Variants in HRK observed in about 807,000 individuals in gnomAD.
HRK encodes the protein activator of apoptosis harakiri.
A neutral mutation model predicts 5.9 loss-of-function variants in HRK; 6 were observed. The observed-to-expected ratio is 1.02, with a 90% confidence interval of 0.56 to 2.01. HRK has a LOEUF of 2.01. Among genes scored for constraint, HRK ranks in the 30% most tolerant of loss-of-function variants. The pLI is 0.00. For synonymous variants in HRK, 85 were observed against 65.1 expected (o/e 1.31, Z -1.47); for missense variants, 133 against 128.3 (o/e 1.04, Z -0.18).
At chr12:116,869,882 A>G (rs1230627155) in intron 1 of HRK, among the ~76,000 whole-genome samples, 1 of 152,136 alleles carries the variant, frequency 6.6e-6, no homozygotes, top group Admixed American at 6.6e-5. Flanking sequence ...GAGTTAGAGC[A>G]CCAAACTGGC....
rs945724014 is a variant in HRK at position 116,859,641 on chromosome 12, T to TTA, written c.*1881_*1882insTA. 9 of 151,168 alleles carry TTA rather than the reference T, an allele frequency of 6.0e-5. No homozygotes were observed. Among genetic ancestry groups the TTA allele is most frequent in the Non-Finnish European group, 1.3e-4 (9 of 67,704 alleles). The allele number at this position is 151,168 out of a possible 1,614,324, so 9.4% of individuals were successfully genotyped here. A position where few individuals can be genotyped will look rare whatever the true frequency, so the allele number is the denominator to read the frequency against. On this transcript the variant is annotated 3_prime_UTR_variant, in exon 2 of 2. Transcript: ENST00000257572. ...TCCCAAAATAAGCATTATTCTTCTT[T>TTA]TTTTTTTTTTGGTTTGCTGAGTTCA...
rs1018684759 is a variant in HRK, at chr12:116,879,195, A to G, written c.*56+1781T>C. 1 of 152,262 alleles carries G rather than the reference A, an allele frequency of 6.6e-6. No homozygotes were observed. Among genetic ancestry groups the G allele is most frequent in the African/African-American group, 2.4e-5 (1 of 41,458 alleles). 9.4% of individuals were successfully genotyped at this position (152,262 alleles called of 1,614,324 possible). On this transcript the variant is annotated intron_variant, in intron 1 of 1. Transcript: ENST00000257572. The surrounding 1 kb of genome is among the most constrained non-coding windows in gnomAD (Gnocchi z 5.6). ...GAGAGCGTTTCCAATCTCCTGGACG[A>G]CAGAACCAGAGAAAGCCGTGTCCCA...
rs1290672901 is a variant in HRK, at chr12:116,859,032, G to C, written c.*2491C>G. 2 of 152,162 alleles carry C rather than the reference G, an allele frequency of 1.3e-5. No homozygotes were observed. The highest frequency in any genetic ancestry group is 2.9e-5 in the Non-Finnish European group (2 of 68,032). The allele number at this position is 152,162 out of a possible 1,614,324, so 9.4% of individuals were successfully genotyped here. A position where few individuals can be genotyped will look rare whatever the true frequency, so the allele number is the denominator to read the frequency against. On this transcript the variant is annotated 3_prime_UTR_variant, in exon 2 of 2. Coordinates refer to ENST00000257572, the MANE Select transcript of HRK (RefSeq NM_003806.4). ...CGAGAAGTGCACTCCAATGAATGATGTGCAAGGAAAGGTCAGGATTCGATA... is the reference window on the plus strand; with the variant it reads ...CGAGAAGTGCACTCCAATGAATGATCTGCAAGGAAAGGTCAGGATTCGATA...
rs148395718 is a variant in HRK at position 116,872,564 on chromosome 12, C to G, written c.*56+8412G>C. On this transcript the variant is annotated intron_variant, in intron 1 of 1. Coordinates refer to ENST00000257572, the MANE Select transcript of HRK (RefSeq NM_003806.4). ...AAACCAAGGCAGGAGGTCTTGAGCT[C>G]AGGAGTTCAAGACCAGCCTGGGCAA... Among the ~76,000 whole-genome samples the G allele has an allele frequency of 6.4e-3, 977 of 151,902 alleles. 12 individuals carry two copies. The highest frequency in any genetic ancestry group is 8.2e-3 in the Non-Finnish European group (555 of 67,960).
chr12:116,869,037 A>G (rs1878648423), intron 1 of HRK, among the ~76,000 whole-genome samples: 1 of 151,814 alleles, frequency 6.6e-6, no homozygotes, highest in African/African-American at 2.4e-5. Context: ...GCAGTGGCAC[A>G]ATCATAGCTC....
intron 1 of HRK, among the ~76,000 whole-genome samples, chr12:116,866,390 CAAAAA>C (rs965013066): frequency 9.1e-5 from 5 of 54,816 alleles, no homozygotes; most frequent in East Asian, 6.3e-4. Context: ...GACCCTGTCT[CAAAAA>C]AAAAAAAAAA....
chr12:116,880,938 G>T (rs1879120523), intron 1 of HRK, 38 bp downstream of exon 1: 2 of 1,007,304 alleles, frequency 2.0e-6, no homozygotes, highest in Non-Finnish European at 2.5e-6. Context: ...CCAGTGCCCA[G>T]CTGCCGCGCC....
chr12:116,881,368 C>T lies in HRK; in HGVS notation c.-61G>A, dbSNP rs1258004132. 14 of 1,046,242 alleles carry T rather than the reference C, an allele frequency of 1.3e-5. No individual in the cohort carries two copies. The highest frequency in any genetic ancestry group is 7.8e-5 in the East Asian group (1 of 12,808). 64.8% of individuals were successfully genotyped at this position (1,046,242 alleles called of 1,614,324 possible). ...GCCCCTCGCCTCCTCTCCCTCCGGC[C>T]TCTGCGCCCGCTGCCGCCGCGCTCC... On this transcript the variant is annotated 5_prime_UTR_variant, in exon 1 of 2. Transcript: ENST00000257572.
intron 1 of HRK, chr12:116,867,628 T>C (rs1228158511): frequency 1.3e-5 from 2 of 152,078 alleles, no homozygotes; most frequent in Non-Finnish European, 2.9e-5. Flanking sequence ...AAAAAGTGCC[T>C]AACAACCTTG....
Position 116,880,958 on chromosome 12 carries a change from G to A in HRK, c.*56+18C>T. The A allele has an allele frequency of 1.8e-6, 2 of 1,100,938 alleles. No individual in the cohort carries two copies. The highest frequency in any genetic ancestry group is 2.3e-6 in the Non-Finnish European group (2 of 865,842). The allele number at this position is 1,100,938 out of a possible 1,614,324, so 68.2% of individuals were successfully genotyped here. On this transcript the variant is annotated intron_variant, in intron 1 of 1. Coordinates refer to ENST00000257572, the MANE Select transcript of HRK (RefSeq NM_003806.4). The stretch of plus-strand genomic sequence containing the variant: ...GCCCAGCTGCCGCGCCCCGGCTCTC[G>A]CTCGCTCGCTCGCGTACCTGTTGCT...
At position 116,861,144 on chromosome 12, in the gene HRK, T is replaced by A. The variant is rs762097844; in HGVS notation, c.*379A>T. On this transcript the variant is annotated 3_prime_UTR_variant, in exon 2 of 2. Transcript: ENST00000257572. Reference sequence around the variant, plus strand: ...ATCTCTCTTCTGGCGCCCCAGACATTACAGAATATCAAAGTTCACATCGCA... The same window carrying A: ...ATCTCTCTTCTGGCGCCCCAGACATAACAGAATATCAAAGTTCACATCGCA... The A allele has an allele frequency of 1.3e-5, 2 of 152,194 alleles. No homozygotes were observed. Among genetic ancestry groups the A allele is most frequent in the Non-Finnish European group, 2.9e-5 (2 of 68,052 alleles). The allele number at this position is 152,194 out of a possible 1,614,324, so 9.4% of individuals were successfully genotyped here.
At chr12:116,868,494 G>A (rs1381694718) in intron 1 of HRK, among the ~76,000 whole-genome samples, 1 of 152,142 alleles carries the variant, frequency 6.6e-6, no homozygotes, top group East Asian at 1.9e-4. Flanking sequence ...GTCGTGTCTG[G>A]CTCTGGCTAT....
chr12:116,873,177 C>T (rs562238158), intron 1 of HRK, among the ~76,000 whole-genome samples: 11 of 152,156 alleles, frequency 7.2e-5, no homozygotes, highest in African/African-American at 2.4e-4. Context: ...ATTATGTCAC[C>T]CAGGACAGAG....
At chr12:116,871,603 CAAAAA>C (rs148974119) in intron 1 of HRK, among the ~76,000 whole-genome samples, 12 of 137,334 alleles carry the variant, frequency 8.7e-5, no homozygotes, top group Admixed American at 1.5e-4. Context: ...CGTGCCCAGC[CAAAAA>C]AAAAAAAAAA....
chr12:116,872,890 GGAAA>G (rs965915023), intron 1 of HRK, among the ~76,000 whole-genome samples: 12 of 139,348 alleles, frequency 8.6e-5, no homozygotes, highest in South Asian at 2.6e-4. Flanking sequence ...AGGGAGGGAG[GGAAA>G]GAAAGAGAGA....
At chr12:116,864,628 C>G (rs1878473677) in intron 1 of HRK, among the ~76,000 whole-genome samples, 1 of 152,204 alleles carries the variant, frequency 6.6e-6, no homozygotes, top group Non-Finnish European at 1.5e-5. Flanking sequence ...ATGGCACAAA[C>G]AGGGAAGCGT....
Position 116,858,460 on chromosome 12 carries a change from C to G in HRK, c.*3063G>C, listed in dbSNP as rs1239235374. Reference sequence around the variant, plus strand: ...CCAGTCCCAGCGGTTCCTGGCTCCCCACTCTCTGAGAGCAAGCAGCACCAT... The same window carrying G: ...CCAGTCCCAGCGGTTCCTGGCTCCCGACTCTCTGAGAGCAAGCAGCACCAT... On this transcript the variant is annotated 3_prime_UTR_variant, in exon 2 of 2. Transcript: ENST00000257572. 4 of 151,700 alleles carry G rather than the reference C, an allele frequency of 2.6e-5. No individual in the cohort carries two copies. The highest frequency in any genetic ancestry group is 5.9e-5 in the Non-Finnish European group (4 of 68,006). The allele number at this position is 151,700 out of a possible 1,614,324, so 9.4% of individuals were successfully genotyped here.
At chr12:116,870,878 G>A (rs1483117175) in intron 1 of HRK, among the ~76,000 whole-genome samples, 1 of 152,250 alleles carries the variant, frequency 6.6e-6, no homozygotes, top group East Asian at 1.9e-4. Context: ...ATGATTTTAT[G>A]CTCTAGACAG....
chr12:116,877,872 T>C (rs1878993018), intron 1 of HRK, among the ~76,000 whole-genome samples: 1 of 152,126 alleles, frequency 6.6e-6, no homozygotes, highest in Non-Finnish European at 1.5e-5. Context: ...TCAAAACAAG[T>C]ATGCTGGATA....
Sources: gnomAD v4.1 joint callset for allele counts (sites outside exome capture counted in the v4.1 genomes callset) on GRCh38, gnomAD v4.1.1 for gene constraint, Gnocchi (gnomAD v3.1) non-coding constraint, MANE v1.5 for transcripts, NCBI Gene and HGNC (gene_info 2026-07-23, HGNC 2026-07-21) for gene names.